The following HNF4G variants were observed in gnomAD, a reference collection of about 807,000 sequenced individuals.
The protein encoded by HNF4G is hepatocyte nuclear factor 4 gamma.
HNF4G carries 21 observed loss-of-function variants against 50.9 expected under a neutral mutation model. That is an observed-to-expected ratio of 0.41 (90% CI 0.29 to 0.59). The LOEUF (loss-of-function observed/expected upper bound fraction) is 0.59, where lower values mean the gene tolerates loss of function less well. Ranked by LOEUF, HNF4G falls within the 20% of genes least tolerant of loss-of-function variation. The pLI is 0.26. For missense variants in HNF4G, 527 were observed against 559.4 expected (o/e 0.94, Z 0.58); for synonymous variants, 198 against 185.6 (o/e 1.07, Z -0.54).
At chr8:75,449,333 CAT>C (rs900453420) in intron 1 of HNF4G, among the ~76,000 whole-genome samples, 13 of 151,948 alleles carry the variant, frequency 8.6e-5, no homozygotes, top group Non-Finnish European at 1.6e-4. Flanking sequence ...ATAAACAACA[CAT>C]AAACAAATGG....
rs939940942 is a variant in HNF4G, at chr8:75,563,963, A to T, written c.1247-12A>T. 5.0e-6 allele frequency: 8 copies of T among 1,612,928 alleles called. No homozygotes were observed. The highest frequency in any genetic ancestry group is 6.8e-6 in the Non-Finnish European group (8 of 1,179,218). ...TGCCACCATTAGACTCAATTCTCTG[A>T]TTCTTTTTCAGCAACTCCTGAAACC... On this transcript the variant is annotated splice_polypyrimidine_tract_variant and intron_variant, in intron 9 of 9. Transcript: ENST00000396423.
In HNF4G at chr8:75,494,299, A is replaced by AGC. The variant is rs750764620; in HGVS notation, c.-24+4092_-24+4093dup. Among the ~76,000 whole-genome samples, 409 of 137,140 alleles carry AGC rather than the reference A, an allele frequency of 3.0e-3. 1 individual carries two copies. The highest frequency in any genetic ancestry group is 8.8e-3 in the South Asian group (37 of 4,224). The allele number at this position is 137,140 out of a possible 152,430, so 90.0% of individuals were successfully genotyped here. On this transcript the variant is annotated intron_variant, in intron 2 of 10. Coordinates refer to the HNF4G transcript ENST00000354370. ...GAAAAAAGCTACTGCTCTCCCATAC[A>AGC]GCACACACACACACACACACACACA...
At chr8:75,552,317 A>G (rs1806983595) in intron 4 of HNF4G, among the ~76,000 whole-genome samples, 2 of 152,312 alleles carry the variant, frequency 1.3e-5, no homozygotes, top group South Asian at 2.1e-4. Context: ...GGGAGCTATG[A>G]GAAAATATTC....
chr8:75,470,289 A>C (rs1346106196), intron 1 of HNF4G, among the ~76,000 whole-genome samples: 5 of 152,258 alleles, frequency 3.3e-5, no homozygotes, highest in African/African-American at 1.2e-4. Flanking sequence ...CATAAAAATC[A>C]GAGGACATAT....
chr8:75,438,651 GT>G (rs959405274), intron 1 of HNF4G, among the ~76,000 whole-genome samples: 62 of 146,684 alleles, frequency 4.2e-4, no homozygotes, highest in East Asian at 2.2e-3. Context: ...TCTGTTTTAT[GT>G]TTTTTTTTCT....
At chr8:75,523,616 G>A (rs1329429882) in intron 2 of HNF4G, among the ~76,000 whole-genome samples, 1 of 152,092 alleles carries the variant, frequency 6.6e-6, no homozygotes, top group African/African-American at 2.4e-5. Context: ...AAACTGGTAT[G>A]TGTAATAGTG....
intron 2 of HNF4G, among the ~76,000 whole-genome samples, chr8:75,507,613 G>A (rs1479271944): frequency 6.6e-6 from 1 of 152,050 alleles, no homozygotes; most frequent in Non-Finnish European, 1.5e-5. Context: ...TTTTTCATTT[G>A]CAATCAAAGC....
At chr8:75,419,836 T>C (rs1475312031) in intron 1 of HNF4G, among the ~76,000 whole-genome samples, 2 of 152,388 alleles carry the variant, frequency 1.3e-5, no homozygotes, top group East Asian at 3.9e-4. Flanking sequence ...TTTATTGATT[T>C]AGATAAATGT....
chr8:75,426,368 G>A (rs1453147706), intron 1 of HNF4G, among the ~76,000 whole-genome samples: 1 of 152,112 alleles, frequency 6.6e-6, no homozygotes, highest in African/African-American at 2.4e-5. Flanking sequence ...GATTATCAGA[G>A]CAATACATTT....
chr8:75,536,268 T>G (rs1165516360), upstream of HNF4G, among the ~76,000 whole-genome samples: 2 of 152,038 alleles, frequency 1.3e-5, no homozygotes, highest in Non-Finnish European at 2.9e-5. Context: ...TGTGTGCTAC[T>G]TATTATAAAT....
chr8:75,527,959 T>C (rs1806226555), intron 2 of HNF4G, among the ~76,000 whole-genome samples: 1 of 152,234 alleles, frequency 6.6e-6, no homozygotes, highest in East Asian at 1.9e-4. Context: ...ATCAATTGAC[T>C]CTTCTACTTC....
chr8:75,528,617 T>C (rs1388406572), intron 2 of HNF4G, among the ~76,000 whole-genome samples: 1 of 152,144 alleles, frequency 6.6e-6, no homozygotes, highest in Non-Finnish European at 1.5e-5. Context: ...GTTACAATAA[T>C]TTGTTTTAAA....
chr8:75,554,390 C>A (rs923063552), intron 5 of HNF4G, among the ~76,000 whole-genome samples: 2 of 152,014 alleles, frequency 1.3e-5, no homozygotes, highest in Non-Finnish European at 2.9e-5. Flanking sequence ...TTTTAATTTG[C>A]CAACTGATTC....
chr8:75,492,085 T>C (rs1812645840), intron 2 of HNF4G, among the ~76,000 whole-genome samples: 1 of 152,234 alleles, frequency 6.6e-6, no homozygotes, highest in Admixed American at 6.5e-5. Context: ...ATTTTTTCCT[T>C]ACATACTGAA....
At chr8:75,487,566 T>G (rs1812526516) in intron 1 of HNF4G, among the ~76,000 whole-genome samples, 3 of 152,198 alleles carry the variant, frequency 2.0e-5, no homozygotes, top group African/African-American at 7.2e-5. Context: ...AAAAGTCTTC[T>G]TTTCTTTTGC....
chr8:75,422,839 T>C (rs534778874), intron 1 of HNF4G, among the ~76,000 whole-genome samples: 1 of 152,318 alleles, frequency 6.6e-6, no homozygotes, highest in South Asian at 2.1e-4. Flanking sequence ...TTTCACCGTG[T>C]TAGCCAGTAT....
At chr8:75,412,451 G>C (rs1366824423) in intron 1 of HNF4G, among the ~76,000 whole-genome samples, 3 of 152,118 alleles carry the variant, frequency 2.0e-5, no homozygotes, top group Admixed American at 6.5e-5. Flanking sequence ...TTGAATGTTT[G>C]ACACTTCCTA....
chr8:75,444,327 C>T (rs1811368167), intron 1 of HNF4G, among the ~76,000 whole-genome samples: 2 of 151,548 alleles, frequency 1.3e-5, no homozygotes, highest in South Asian at 4.2e-4. Context: ...CAAAATCATG[C>T]CAAAATGTAA....
chr8:75,431,818 C>T (rs1235822371), intron 1 of HNF4G, among the ~76,000 whole-genome samples: 3 of 151,436 alleles, frequency 2.0e-5, no homozygotes, highest in Non-Finnish European at 2.9e-5. Context: ...CCCAGCTACT[C>T]GGGAGGCTGA....
Sources: gnomAD v4.1 joint callset for allele counts (sites outside exome capture counted in the v4.1 genomes callset) on GRCh38, gnomAD v4.1.1 for gene constraint, MANE v1.5 for transcripts, NCBI Gene and HGNC (gene_info 2026-07-23, HGNC 2026-07-21) for gene names.